Variants in RIMS2 observed in about 807,000 individuals in gnomAD.
The protein encoded by RIMS2 is regulating synaptic membrane exocytosis protein 2.
In RIMS2, 59 loss-of-function variants were observed where a neutral mutation model predicts 174.4. The ratio of observed to expected loss-of-function variants is 0.34; its 90% CI spans 0.27 to 0.42. The LOEUF (loss-of-function observed/expected upper bound fraction) is 0.42, where lower values mean the gene tolerates loss of function less well. RIMS2 is among the 10% of genes least tolerant of loss of function. The pLI is 1.00. For missense variants in RIMS2, 1,620 were observed against 1,666.3 expected (o/e 0.97, Z 0.48); for synonymous variants, 606 against 572.5 (o/e 1.06, Z -0.84).
intron 1 of RIMS2, among the ~76,000 whole-genome samples, chr8:103,657,789 T>G (rs2096548890): frequency 6.6e-6 from 1 of 152,232 alleles, no homozygotes; most frequent in Non-Finnish European, 1.5e-5. Context: ...CAGTTCTGAC[T>G]GGTTGATACA....
At chr8:103,886,628 A>T (rs2099203638) in intron 4 of RIMS2, among the ~76,000 whole-genome samples, 1 of 151,862 alleles carries the variant, frequency 6.6e-6, no homozygotes. Flanking sequence ...CAAGTTATCC[A>T]TATTTCTTCC....
intron 1 of RIMS2, among the ~76,000 whole-genome samples, chr8:103,504,596 C>G (rs900629269): frequency 1.3e-5 from 2 of 151,840 alleles, no homozygotes; most frequent in African/African-American, 4.8e-5. Context: ...TTATGTGTTT[C>G]TTGATGTGTA....
At chr8:103,658,880 G>T (rs2096563168) in intron 1 of RIMS2, among the ~76,000 whole-genome samples, 1 of 152,136 alleles carries the variant, frequency 6.6e-6, no homozygotes, top group African/African-American at 2.4e-5. Context: ...TGATTTCTTT[G>T]CTGTGTCTAC....
At chr8:104,242,306 A>G (rs1456095392) in intron 19 of RIMS2, among the ~76,000 whole-genome samples, 1 of 152,150 alleles carries the variant, frequency 6.6e-6, no homozygotes, top group Non-Finnish European at 1.5e-5. Flanking sequence ...ATACTTTAGC[A>G]TGTATCTCCT....
At chr8:103,793,868 C>T (rs2098525301) in intron 3 of RIMS2, among the ~76,000 whole-genome samples, 1 of 152,130 alleles carries the variant, frequency 6.6e-6, no homozygotes, top group South Asian at 2.1e-4. Context: ...AGGAATCCAA[C>T]TTACAAGGGA....
intron 3 of RIMS2, among the ~76,000 whole-genome samples, chr8:103,868,594 A>T (rs1388851930): frequency 6.6e-6 from 1 of 152,170 alleles, no homozygotes; most frequent in East Asian, 1.9e-4. Flanking sequence ...GATTAAACAT[A>T]CTTTTTAAAA....
At chr8:103,847,632 T>C (rs2098974845) in intron 3 of RIMS2, among the ~76,000 whole-genome samples, 2 of 152,056 alleles carry the variant, frequency 1.3e-5, no homozygotes, top group South Asian at 4.1e-4. Context: ...TTGGAATGCC[T>C]CTTTATGTCT....
chr8:103,555,884 GCAA>G (rs1850236245), intron 1 of RIMS2, among the ~76,000 whole-genome samples: 1 of 151,662 alleles, frequency 6.6e-6, no homozygotes, highest in Admixed American at 6.6e-5. Flanking sequence ...CCTATCATAT[GCAA>G]CAACGTGAAT....
intron 3 of RIMS2, among the ~76,000 whole-genome samples, chr8:103,795,510 C>T (rs1305869473): frequency 6.6e-6 from 1 of 152,060 alleles, no homozygotes; most frequent in Non-Finnish European, 1.5e-5. Context: ...AGCACACCAA[C>T]ATGGCACATG....
At chr8:103,934,814 C>G (rs2080876739) in intron 12 of RIMS2, among the ~76,000 whole-genome samples, 1 of 152,054 alleles carries the variant, frequency 6.6e-6, no homozygotes. Flanking sequence ...TCTCCTGCCT[C>G]AGCCTCCCTA....
At chr8:104,024,198 C>T (rs2096189035) in intron 19 of RIMS2, among the ~76,000 whole-genome samples, 1 of 152,158 alleles carries the variant, frequency 6.6e-6, no homozygotes, top group African/African-American at 2.4e-5. Flanking sequence ...CACTTGGCTT[C>T]TTCTGATCCA....
chr8:103,943,161 T>C (rs1199176078), intron 14 of RIMS2, among the ~76,000 whole-genome samples: 1 of 152,246 alleles, frequency 6.6e-6, no homozygotes, highest in Non-Finnish European at 1.5e-5. Context: ...TTTATATTTG[T>C]ATTTTGGATG....
chr8:103,527,428 A>G (rs1834597812), intron 1 of RIMS2, among the ~76,000 whole-genome samples: 1 of 152,164 alleles, frequency 6.6e-6, no homozygotes, highest in Non-Finnish European at 1.5e-5. Flanking sequence ...TTCAAGGTAC[A>G]TGTGCATAAC....
chr8:103,673,480 T>G (rs1157942186), intron 1 of RIMS2, among the ~76,000 whole-genome samples: 1 of 152,216 alleles, frequency 6.6e-6, no homozygotes, highest in Non-Finnish European at 1.5e-5. Flanking sequence ...TTGCACTCTG[T>G]GTGCCTGCAA....
At chr8:104,228,049 G>C (rs1335081365) in intron 19 of RIMS2, among the ~76,000 whole-genome samples, 2 of 137,768 alleles carry the variant, frequency 1.5e-5, no homozygotes, top group African/African-American at 5.5e-5. Flanking sequence ...TTTTCTTTGA[G>C]ACAGAGTCTT....
At chr8:104,235,853 C>T (rs774024091) in intron 19 of RIMS2, among the ~76,000 whole-genome samples, 4 of 151,938 alleles carry the variant, frequency 2.6e-5, no homozygotes, top group African/African-American at 4.8e-5. Flanking sequence ...ATATTCATTC[C>T]GTATCCAATT....
intron 19 of RIMS2, among the ~76,000 whole-genome samples, chr8:104,113,597 T>G (rs1192172784): frequency 6.6e-6 from 1 of 152,002 alleles, no homozygotes; most frequent in Non-Finnish European, 1.5e-5. Flanking sequence ...AAGAATTGCA[T>G]CAGGGACTAT....
At chr8:104,203,669 A>G (rs1264703937) in intron 19 of RIMS2, among the ~76,000 whole-genome samples, 1 of 151,876 alleles carries the variant, frequency 6.6e-6, no homozygotes, top group Non-Finnish European at 1.5e-5. Flanking sequence ...ACTGCCAGCT[A>G]ATTTTTGTAA....
intron 1 of RIMS2, among the ~76,000 whole-genome samples, chr8:103,540,037 G>C (rs193108322): frequency 4.6e-5 from 7 of 152,352 alleles, no homozygotes. Context: ...TTGGCTCTTG[G>C]CTGCTTCACA....
Sources: gnomAD v4.1 joint callset for allele counts (sites outside exome capture counted in the v4.1 genomes callset) on GRCh38, gnomAD v4.1.1 for gene constraint, MANE v1.5 for transcripts, NCBI Gene and HGNC (gene_info 2026-07-23, HGNC 2026-07-21) for gene names.